GLT1D1: variants seen among roughly 807,000 people sequenced by gnomAD.
GLT1D1 encodes glycosyltransferase 1 domain-containing protein 1.
Under a neutral mutation model 28.7 loss-of-function variants are expected in GLT1D1, and 21 were observed. That is an observed-to-expected ratio of 0.73 (90% confidence interval 0.52 to 1.05). The LOEUF (loss-of-function observed/expected upper bound fraction) is 1.05, where lower values mean the gene tolerates loss of function less well. GLT1D1 is among the 50% of genes least tolerant of loss of function. GLT1D1 has a pLI of 0.00. For missense variants in GLT1D1, 343 were observed against 330.6 expected (o/e 1.04, Z -0.29); for synonymous variants, 147 against 124.8 (o/e 1.18, Z -1.19).
chr12:128,973,935 TA>T (rs1879504113), intron 7 of GLT1D1, among the ~76,000 whole-genome samples: 1 of 86,370 alleles, frequency 1.2e-5, no homozygotes, highest in Non-Finnish European at 2.4e-5. Context: ...TGTGTGTGTG[TA>T]GGGTGTGTGT....
At chr12:128,920,282 C>T (rs1017999215) in intron 4 of GLT1D1, among the ~76,000 whole-genome samples, 1 of 152,110 alleles carries the variant, frequency 6.6e-6, no homozygotes, top group Non-Finnish European at 1.5e-5. Context: ...CGCAGTGGCT[C>T]ACGCCTGTAA....
intron 7 of GLT1D1, among the ~76,000 whole-genome samples, chr12:128,973,182 T>TTG (rs1879383436): frequency 1.5e-5 from 1 of 68,954 alleles, no homozygotes; most frequent in Admixed American, 1.4e-4. Context: ...TTGCTTGGTT[T>TTG]TTTTTTTTTT....
At chr12:128,925,944 A>C (rs1223720605) in intron 4 of GLT1D1, among the ~76,000 whole-genome samples, 2 of 152,158 alleles carry the variant, frequency 1.3e-5, no homozygotes, top group African/African-American at 4.8e-5. Flanking sequence ...TAATCCCAGC[A>C]CTTTGGGAGC....
chr12:128,892,680 C>T (rs762107038), intron 3 of GLT1D1, among the ~76,000 whole-genome samples: 10 of 152,080 alleles, frequency 6.6e-5, no homozygotes, highest in Non-Finnish European at 1.0e-4. Context: ...TTGAACTTGT[C>T]TAGCTTTATA....
intron 1 of GLT1D1, among the ~76,000 whole-genome samples, chr12:128,869,344 A>AT (rs1319516049): frequency 1.3e-5 from 2 of 151,836 alleles, no homozygotes; most frequent in African/African-American, 4.8e-5. Context: ...TACTTTTTGT[A>AT]TTTTTTGTGG....
intron 2 of GLT1D1, among the ~76,000 whole-genome samples, chr12:128,885,054 CTAAT>C (rs1328632891): frequency 1.3e-5 from 2 of 151,104 alleles, no homozygotes; most frequent in Non-Finnish European, 2.9e-5. Context: ...TGTGCTTGGC[CTAAT>C]TAGCTTGATT....
At chr12:128,910,828 A>G (rs977854864) in intron 4 of GLT1D1, among the ~76,000 whole-genome samples, 2 of 152,296 alleles carry the variant, frequency 1.3e-5, no homozygotes, top group African/African-American at 4.8e-5. Flanking sequence ...AGGAGAGGCA[A>G]GACTTCTGGA....
rs150192014 is a variant in GLT1D1, at chr12:128,977,513, A to G, written c.640-5416A>G. Among the ~76,000 whole-genome samples the G allele has an allele frequency of 3.9e-4, 60 of 152,272 alleles. 1 individual carries two copies. Among genetic ancestry groups the G allele is most frequent in the African/African-American group, 9.4e-4 (39 of 41,556 alleles). On this transcript the variant is annotated intron_variant, in intron 7 of 7. Coordinates refer to ENST00000281703, the MANE Select transcript of GLT1D1 (RefSeq NM_144669.3). Reference sequence around the variant, plus strand: ...GATATTTAACATGGAACACTTTTACATAAATATCCAGAATTTAGACCTCTC... The same window carrying G: ...GATATTTAACATGGAACACTTTTACGTAAATATCCAGAATTTAGACCTCTC...
intron 4 of GLT1D1, among the ~76,000 whole-genome samples, chr12:128,917,180 A>G (rs1394750407): frequency 6.6e-6 from 1 of 152,152 alleles, no homozygotes; most frequent in Non-Finnish European, 1.5e-5. Flanking sequence ...ATCTATGCCT[A>G]TCTTTATTCC....
At chr12:128,907,407 G>A (rs1045568531) in intron 4 of GLT1D1, among the ~76,000 whole-genome samples, 7 of 150,156 alleles carry the variant, frequency 4.7e-5, no homozygotes, top group Admixed American at 1.3e-4. Flanking sequence ...CCGGGTTCAC[G>A]CCATTCTCCT....
At chr12:128,940,636 A>G (rs1875106891) in intron 4 of GLT1D1, among the ~76,000 whole-genome samples, 2 of 152,330 alleles carry the variant, frequency 1.3e-5, no homozygotes, top group Admixed American at 6.5e-5. Flanking sequence ...TTTTGCATGA[A>G]TTCAACAAGT....
intron 6 of GLT1D1, among the ~76,000 whole-genome samples, chr12:128,956,564 C>T (rs1877336126): frequency 2.0e-5 from 3 of 152,124 alleles, no homozygotes; most frequent in African/African-American, 7.2e-5. Flanking sequence ...CCACTAGGAT[C>T]AACTGTTCAT....
At chr12:128,859,727 G>T (rs1031274816) in intron 1 of GLT1D1, among the ~76,000 whole-genome samples, 1 of 152,204 alleles carries the variant, frequency 6.6e-6, no homozygotes, top group Non-Finnish European at 1.5e-5. Flanking sequence ...TGAAAATCAT[G>T]TATGTATTTG....
chr12:128,967,924 A>G (rs2135534385), intron 7 of GLT1D1, among the ~76,000 whole-genome samples: 1 of 152,340 alleles, frequency 6.6e-6, no homozygotes, highest in Non-Finnish European at 1.5e-5. Flanking sequence ...TTTCCAGTTA[A>G]GCCCAGAGGA....
intron 7 of GLT1D1, among the ~76,000 whole-genome samples, chr12:128,980,667 G>A (rs530591454): frequency 6.6e-6 from 1 of 152,326 alleles, no homozygotes; most frequent in African/African-American, 2.4e-5. Flanking sequence ...CTTCCCCCAG[G>A]AGACTAGCCC....
chr12:128,866,872 C>T (rs1366874126), intron 1 of GLT1D1, among the ~76,000 whole-genome samples: 7 of 151,628 alleles, frequency 4.6e-5, no homozygotes, highest in East Asian at 2.0e-4. Context: ...CCACCCAATT[C>T]GGCCTCCCAA....
intron 7 of GLT1D1, among the ~76,000 whole-genome samples, chr12:128,973,382 G>A (rs1264591305): frequency 6.4e-5 from 9 of 141,452 alleles, no homozygotes; most frequent in South Asian, 2.2e-4. Flanking sequence ...TTGTAGAGAC[G>A]GGGTTTCACT....
rs533928745 is a variant in GLT1D1, at chr12:128,943,130, G to C, written c.376-2196G>C. ...AATAAGGTGGCAGTGAATGCTAACA[G>C]GTATCGATTTCTTGGATCAGGAACA... On this transcript the variant is annotated intron_variant, in intron 4 of 7. Coordinates refer to ENST00000281703, the MANE Select transcript of GLT1D1 (RefSeq NM_144669.3). Among the ~76,000 whole-genome samples the C allele has an allele frequency of 2.0e-5, 3 of 152,274 alleles. No individual in the cohort carries two copies. The South Asian group carries it at 6.2e-4, about 32-fold the overall frequency.
At chr12:128,956,108 G>A (rs909373179) in intron 6 of GLT1D1, among the ~76,000 whole-genome samples, 1 of 130,924 alleles carries the variant, frequency 7.6e-6, no homozygotes, top group Non-Finnish European at 1.6e-5. Context: ...ACAGTGAGCC[G>A]AGATCGCGCC....
Sources: gnomAD v4.1 joint callset for allele counts (sites outside exome capture counted in the v4.1 genomes callset) on GRCh38, gnomAD v4.1.1 for gene constraint, MANE v1.5 for transcripts, NCBI Gene and HGNC (gene_info 2026-07-23, HGNC 2026-07-21) for gene names.